GPC6: variants seen among roughly 807,000 people sequenced by gnomAD.
GPC6 encodes glypican 6.
GPC6 carries 14 observed loss-of-function variants against 55.2 expected under a neutral mutation model. The observed-to-expected ratio is 0.25, with a 90% confidence interval of 0.17 to 0.40. The LOEUF is 0.40. Ranked by LOEUF, GPC6 falls within the 10% of genes least tolerant of loss-of-function variation. GPC6 has a pLI of 1.00. For missense variants in GPC6, 641 were observed against 708.5 expected (o/e 0.90, Z 1.08); for synonymous variants, 278 against 259.6 (o/e 1.07, Z -0.68).
intron 4 of GPC6, among the ~76,000 whole-genome samples, chr13:94,172,667 A>G (rs889244745): frequency 1.3e-5 from 2 of 152,210 alleles, no homozygotes; most frequent in Non-Finnish European, 1.5e-5. Flanking sequence ...GGCTCTTTAC[A>G]TTAAAATGTC....
chr13:94,130,716 G>A (rs1210931564), intron 4 of GPC6, among the ~76,000 whole-genome samples: 1 of 152,086 alleles, frequency 6.6e-6, no homozygotes, highest in African/African-American at 2.4e-5. Context: ...TTTCTGCAAA[G>A]AAAATGACCA....
At chr13:93,347,056 A>C (rs1880455869) in intron 1 of GPC6, among the ~76,000 whole-genome samples, 1 of 152,200 alleles carries the variant, frequency 6.6e-6, no homozygotes, top group South Asian at 2.1e-4. Flanking sequence ...CAAAATTTTA[A>C]AGATATTAAA....
chr13:93,504,501 T>G (rs1262643564), intron 1 of GPC6, among the ~76,000 whole-genome samples: 1 of 148,710 alleles, frequency 6.7e-6, no homozygotes, highest in Non-Finnish European at 1.5e-5. Flanking sequence ...TTTTTTTTTC[T>G]GCTTTCCCTC....
intron 6 of GPC6, among the ~76,000 whole-genome samples, chr13:94,365,649 G>A (rs1231944734): frequency 1.3e-5 from 2 of 152,140 alleles, no homozygotes; most frequent in Non-Finnish European, 2.9e-5. Flanking sequence ...CCACCTACTA[G>A]TTGCTGAATA....
chr13:93,982,502 G>A (rs78697581), intron 3 of GPC6, among the ~76,000 whole-genome samples: 2,133 of 152,218 alleles, frequency 0.014, 60 homozygotes, highest in African/African-American at 0.049. Context: ...TAAAGATACC[G>A]ACCCTACATT....
At chr13:93,478,345 C>T (rs1879378819) in intron 1 of GPC6, among the ~76,000 whole-genome samples, 1 of 152,072 alleles carries the variant, frequency 6.6e-6, no homozygotes, top group Non-Finnish European at 1.5e-5. Context: ...TAAATGACTA[C>T]CTGAAATCCC....
At chr13:93,510,772 A>C in intron 1 of GPC6, among the ~76,000 whole-genome samples, 1 of 150,962 alleles carries the variant, frequency 6.6e-6, no homozygotes, top group Admixed American at 6.6e-5. Flanking sequence ...ACAGCGTATA[A>C]GCTTTTTCTT....
chr13:93,966,651 ATTT>A (rs59591951), intron 3 of GPC6, among the ~76,000 whole-genome samples: 2 of 118,824 alleles, frequency 1.7e-5, no homozygotes, highest in South Asian at 2.8e-4. Flanking sequence ...TGTTTCCTTC[ATTT>A]TTTTTTTTTT....
intron 2 of GPC6, among the ~76,000 whole-genome samples, chr13:93,726,375 A>T (rs1268163266): frequency 6.6e-6 from 1 of 152,032 alleles, no homozygotes; most frequent in Non-Finnish European, 1.5e-5. Flanking sequence ...ACCTTGTTTG[A>T]AACTCCCTGG....
chr13:94,243,719 T>C (rs1262452753), intron 4 of GPC6, among the ~76,000 whole-genome samples: 1 of 152,160 alleles, frequency 6.6e-6, no homozygotes. Flanking sequence ...ATGGACTCTG[T>C]GCTGACCTCA....
At chr13:93,349,412 A>G (rs2139161845) in intron 1 of GPC6, among the ~76,000 whole-genome samples, 1 of 152,226 alleles carries the variant, frequency 6.6e-6, no homozygotes, top group African/African-American at 2.4e-5. Flanking sequence ...CATTAAACAG[A>G]TTAGTTCTTC....
chr13:93,802,845 A>G (rs571317173), intron 2 of GPC6, among the ~76,000 whole-genome samples: 7 of 152,344 alleles, frequency 4.6e-5, no homozygotes, highest in African/African-American at 1.7e-4. Flanking sequence ...TTCCTAGGAT[A>G]ATAGAAGAAA....
At chr13:93,765,232 T>C (rs9670954) in intron 2 of GPC6, among the ~76,000 whole-genome samples, 2 of 94,736 alleles carry the variant, frequency 2.1e-5, no homozygotes, top group African/African-American at 8.3e-5. Flanking sequence ...AAAAGATAAA[T>C]TGTCTGGAAA....
intron 2 of GPC6, among the ~76,000 whole-genome samples, chr13:93,744,064 TGGA>T (rs964148169): frequency 2.0e-5 from 3 of 152,232 alleles, no homozygotes; most frequent in Admixed American, 1.3e-4. Context: ...TATTCCCTGC[TGGA>T]GGAGGTTTAA....
Position 93,617,255 on chromosome 13 carries a change from G to A in GPC6, c.319+71834G>A, listed in dbSNP as rs531483677. On this transcript the variant is annotated intron_variant, in intron 2 of 8. Transcript: ENST00000377047. The stretch of plus-strand genomic sequence containing the variant: ...CTTAAAGGAAATTTATAATTAGAAG[G>A]AATATTAGATATATAGCCCAGGAGT... 1.2e-3 allele frequency among the ~76,000 whole-genome samples: 175 copies of A among 152,110 alleles called. 2 individuals carry two copies. The highest frequency in any genetic ancestry group is 6.8e-3 in the Middle Eastern group (2 of 294).
At chr13:93,756,537 T>C (rs1884776382) in intron 2 of GPC6, among the ~76,000 whole-genome samples, 1 of 152,160 alleles carries the variant, frequency 6.6e-6, no homozygotes, top group Admixed American at 6.5e-5. Flanking sequence ...TTAATTACTC[T>C]ATTTGTGTGC....
intron 4 of GPC6, among the ~76,000 whole-genome samples, chr13:94,030,004 C>CT (rs55808503): frequency 0.088 from 12,202 of 139,450 alleles, 818 homozygotes; most frequent in African/African-American, 0.17. Context: ...TTCTTCCCGT[C>CT]TTTTTTTTTT....
At chr13:94,139,978 T>C (rs1360626187) in intron 4 of GPC6, among the ~76,000 whole-genome samples, 1 of 152,192 alleles carries the variant, frequency 6.6e-6, no homozygotes, top group Admixed American at 6.5e-5. Context: ...CTCAGGAGAA[T>C]GTAAAAGAGA....
intron 4 of GPC6, among the ~76,000 whole-genome samples, chr13:94,131,402 A>G (rs1396397797): frequency 6.6e-6 from 1 of 152,200 alleles, no homozygotes; most frequent in African/African-American, 2.4e-5. Flanking sequence ...ACTCATTGGT[A>G]AAAATACAAA....
Sources: allele counts gnomAD v4.1 joint callset (sites outside exome capture counted in the v4.1 genomes callset), GRCh38; gene constraint gnomAD v4.1.1; transcripts MANE v1.5; gene names NCBI Gene and HGNC (gene_info 2026-07-23, HGNC 2026-07-21).